Variants in LGR4 observed in about 807,000 individuals in gnomAD.
LGR4 encodes leucine rich repeat containing G protein-coupled receptor 4.
LGR4 carries 44 observed loss-of-function variants against 84.8 expected under a neutral mutation model. The ratio of observed to expected loss-of-function variants is 0.52; its 90% confidence interval spans 0.41 to 0.67. LGR4 has a LOEUF of 0.67. Ranked by LOEUF, LGR4 falls within the 30% of genes least tolerant of loss-of-function variation. The pLI is 0.00. For missense variants in LGR4, 1,032 were observed against 1,131.4 expected, an observed-to-expected ratio of 0.91 and a Z score of 1.26; for synonymous variants, 429 against 434.3, an observed-to-expected ratio of 0.99 and a Z score of 0.15.
At chr11:27,382,283 C>A (rs760853930) in intron 6 of LGR4, 27 bp from the exon 7 acceptor site, 6 of 1,429,988 alleles carry the variant, frequency 4.2e-6, no homozygotes, top group Non-Finnish European at 4.9e-6. Flanking sequence ...GAAAATATAT[C>A]AAAATATTAA....
chr11:27,432,645 G>A (rs753372092), intron 1 of LGR4, among the ~76,000 whole-genome samples: 2 of 152,218 alleles, frequency 1.3e-5, no homozygotes, highest in Non-Finnish European at 2.9e-5. Flanking sequence ...ATCCGAGAGT[G>A]TCTAAAGCAA....
intron 1 of LGR4, among the ~76,000 whole-genome samples, chr11:27,466,790 AT>A (rs1234062884): frequency 6.6e-6 from 1 of 150,714 alleles, no homozygotes; most frequent in African/African-American, 2.4e-5. Flanking sequence ...TGTCTTTTTT[AT>A]TTTTTTTTCT....
chr11:27,419,649 C>T (rs965658794), intron 1 of LGR4, among the ~76,000 whole-genome samples: 4 of 146,122 alleles, frequency 2.7e-5, no homozygotes, highest in Admixed American at 1.4e-4. Context: ...TATATATATA[C>T]ACATATATAT....
At chr11:27,464,467 C>T (rs1339488845) in intron 1 of LGR4, among the ~76,000 whole-genome samples, 2 of 152,146 alleles carry the variant, frequency 1.3e-5, no homozygotes, top group African/African-American at 4.8e-5. Flanking sequence ...GAAGAGAGTG[C>T]GAATTATAAA....
intron 4 of LGR4, among the ~76,000 whole-genome samples, chr11:27,387,825 C>T (rs926225155): frequency 3.3e-5 from 5 of 152,092 alleles, no homozygotes; most frequent in African/African-American, 1.2e-4. Flanking sequence ...GTATGTAATG[C>T]ACCTCCAAAT....
intron 1 of LGR4, chr11:27,471,910 C>T: frequency 2.8e-6 from 1 of 354,970 alleles, no homozygotes. Flanking sequence ...ACTGCTGGCT[C>T]GAACCCGGAC....
At chr11:27,407,026 G>C (rs569103745) in intron 2 of LGR4, among the ~76,000 whole-genome samples, 1 of 152,228 alleles carries the variant, frequency 6.6e-6, no homozygotes, top group East Asian at 1.9e-4. Flanking sequence ...ATAAAAATTG[G>C]TAAGATATAG....
In LGR4 at chr11:27,402,375, G is replaced by GGAT. The variant is rs1404660029; in HGVS notation, c.258-9860_258-9858dup. Among the ~76,000 whole-genome samples the GGAT allele has an allele frequency of 2.6e-4, 39 of 151,240 alleles. 2 individuals are homozygous for GGAT. The highest frequency in any genetic ancestry group is 7.4e-5 in the Non-Finnish European group (5 of 67,954). ...GAATATTCTATGTGGAGTGATAACAGGATGGTACAGACCCTCCTGGGGAAG... is the reference window on the plus strand; with the variant it reads ...GAATATTCTATGTGGAGTGATAACAGGATGATGGTACAGACCCTCCTGGGGAAG... On this transcript the variant is annotated intron_variant, in intron 2 of 17. Coordinates refer to ENST00000379214, the MANE Select transcript of LGR4 (RefSeq NM_018490.5).
chr11:27,400,958 T>C (rs893606018), intron 2 of LGR4, among the ~76,000 whole-genome samples: 1 of 152,160 alleles, frequency 6.6e-6, no homozygotes, highest in Non-Finnish European at 1.5e-5. Context: ...ATCAGAACAG[T>C]CCTATATCAA....
intron 1 of LGR4, among the ~76,000 whole-genome samples, chr11:27,458,446 G>A (rs1234634350): frequency 6.6e-6 from 1 of 152,162 alleles, no homozygotes; most frequent in African/African-American, 2.4e-5. Context: ...GAAACTCATA[G>A]AACTGAACAT....
chr11:27,390,862 C>T (rs917359328), intron 4 of LGR4, among the ~76,000 whole-genome samples: 10 of 152,114 alleles, frequency 6.6e-5, no homozygotes, highest in African/African-American at 2.4e-4. Flanking sequence ...TGGAAGTACA[C>T]CCAGCAGTGA....
chr11:27,382,376 T>C (rs1035794168), intron 6 of LGR4, 120 bp from the exon 7 acceptor site: 2 of 644,668 alleles, frequency 3.1e-6, no homozygotes, highest in African/African-American at 3.7e-5. Flanking sequence ...TCTTTCTTTA[T>C]CAACCATATC....
At chr11:27,441,648 A>G (rs1183118164) in intron 1 of LGR4, among the ~76,000 whole-genome samples, 1 of 152,040 alleles carries the variant, frequency 6.6e-6, no homozygotes, top group Non-Finnish European at 1.5e-5. Flanking sequence ...TTTTCTTAAA[A>G]AGAGAGAGAG....
intron 1 of LGR4, among the ~76,000 whole-genome samples, chr11:27,452,526 T>C (rs901834673): frequency 6.6e-6 from 1 of 152,094 alleles, no homozygotes; most frequent in African/African-American, 2.4e-5. Context: ...CGCATCATTT[T>C]CCTATCTCCA....
intron 2 of LGR4, among the ~76,000 whole-genome samples, chr11:27,406,569 C>G (rs1863614612): frequency 6.6e-6 from 1 of 152,118 alleles, no homozygotes; most frequent in Non-Finnish European, 1.5e-5. Context: ...TTAGCACAAA[C>G]TCCCTTATGA....
intron 1 of LGR4, among the ~76,000 whole-genome samples, chr11:27,453,751 AATT>A (rs1565098814): frequency 1.3e-5 from 2 of 152,346 alleles, no homozygotes; most frequent in East Asian, 3.9e-4. Flanking sequence ...CTCAGTAAGT[AATT>A]ATTATTTTAA....
chr11:27,439,234 CT>C (rs1270185411), intron 1 of LGR4, among the ~76,000 whole-genome samples: 2 of 152,162 alleles, frequency 1.3e-5, no homozygotes, highest in East Asian at 1.9e-4. Flanking sequence ...CCCACTCCCC[CT>C]AGCCCTTGGC....
chr11:27,419,711 G>A (rs1191564712), intron 1 of LGR4, among the ~76,000 whole-genome samples: 6 of 150,556 alleles, frequency 4.0e-5, no homozygotes, highest in African/African-American at 1.5e-4. Flanking sequence ...AATGGATAAA[G>A]AAATTTTGGT....
intron 2 of LGR4, among the ~76,000 whole-genome samples, chr11:27,409,215 A>T (rs1039615041): frequency 3.9e-5 from 6 of 152,114 alleles, no homozygotes; most frequent in Admixed American, 2.6e-4. Context: ...GTGTTCCAGA[A>T]AGCACTGGGC....
Sources: allele counts gnomAD v4.1 joint callset (sites outside exome capture counted in the v4.1 genomes callset), GRCh38; gene constraint gnomAD v4.1.1; transcripts MANE v1.5; gene names NCBI Gene and HGNC (gene_info 2026-07-23, HGNC 2026-07-21).